NKAIN3: variants seen among roughly 807,000 people sequenced by gnomAD.
NKAIN3 encodes the protein sodium/potassium-transporting ATPase subunit beta-1-interacting protein 3.
A neutral mutation model predicts 30.2 loss-of-function variants in NKAIN3; 25 were observed. That is an observed-to-expected ratio of 0.83 (90% CI 0.60 to 1.16). The LOEUF (loss-of-function observed/expected upper bound fraction) is 1.16, where lower values mean the gene tolerates loss of function less well. NKAIN3 is among the 50% of genes most tolerant of loss of function. The pLI, the probability that NKAIN3 is intolerant of heterozygous loss-of-function variation, is 0.00. For missense variants in NKAIN3, 225 were observed against 254.1 expected (o/e 0.89, Z 0.78); for synonymous variants, 91 against 89.6 (o/e 1.02, Z -0.09).
chr8:62,724,622 A>G (rs1410533071), intron 3 of NKAIN3, among the ~76,000 whole-genome samples: 1 of 152,164 alleles, frequency 6.6e-6, no homozygotes, highest in Non-Finnish European at 1.5e-5. Context: ...ATAAGTGAGA[A>G]TATGTGAAAT....
Position 62,599,687 on chromosome 8 carries a change from C to G in NKAIN3, c.273+9893C>G, listed in dbSNP as rs914629167. Among the ~76,000 whole-genome samples the G allele has an allele frequency of 2.6e-5, 4 of 152,002 alleles. No individual in the cohort carries two copies. In the South Asian group the frequency reaches 6.2e-4, roughly 24 times the overall value. On this transcript the variant is annotated intron_variant, in intron 3 of 6. Transcript: ENST00000623646. ...CTCGTTTAAAAATATGAAAGAGTCCCTTGTGATAGGACCTCAGATCTGCAT... is the reference window on the plus strand; with the variant it reads ...CTCGTTTAAAAATATGAAAGAGTCCGTTGTGATAGGACCTCAGATCTGCAT...
At chr8:62,864,260 A>G (rs1318769259) in intron 4 of NKAIN3, 3 of 995,682 alleles carry the variant, frequency 3.0e-6, no homozygotes, top group African/African-American at 1.6e-5. Context: ...CGGCCGAGGC[A>G]GACGGCAAAG....
intron 1 of NKAIN3, among the ~76,000 whole-genome samples, chr8:62,420,278 A>G (rs1353721536): frequency 6.6e-6 from 1 of 152,176 alleles, no homozygotes; most frequent in Non-Finnish European, 1.5e-5. Context: ...CTAAATATAT[A>G]ATTTCACCAA....
intron 1 of NKAIN3, among the ~76,000 whole-genome samples, chr8:62,276,169 G>T (rs943994605): frequency 9.2e-5 from 14 of 152,040 alleles, no homozygotes; most frequent in Non-Finnish European, 1.8e-4. Context: ...GGGCTCACGC[G>T]ATTCTCTTGC....
intron 1 of NKAIN3, among the ~76,000 whole-genome samples, chr8:62,556,347 A>G (rs1044224486): frequency 1.3e-5 from 2 of 151,786 alleles, no homozygotes; most frequent in Non-Finnish European, 2.9e-5. Flanking sequence ...ACTCATATAT[A>G]TTTGAAACAA....
intron 4 of NKAIN3, among the ~76,000 whole-genome samples, chr8:62,833,710 C>T (rs1819267111): frequency 6.6e-6 from 1 of 151,074 alleles, no homozygotes; most frequent in South Asian, 2.1e-4. Context: ...AAAAAAAAAG[C>T]CCCACATGGA....
chr8:62,761,810 T>C (rs1441888309), intron 4 of NKAIN3, among the ~76,000 whole-genome samples: 1 of 152,218 alleles, frequency 6.6e-6, no homozygotes, highest in Non-Finnish European at 1.5e-5. Context: ...TTGTAACTGC[T>C]TTTATGCTGC....
chr8:62,622,303 G>A (rs1349631714), intron 3 of NKAIN3, among the ~76,000 whole-genome samples: 2 of 151,982 alleles, frequency 1.3e-5, no homozygotes, highest in African/African-American at 4.8e-5. Context: ...ATAAATGCCC[G>A]AGTGTGTAAT....
At chr8:62,327,872 G>C (rs976563145) in intron 1 of NKAIN3, among the ~76,000 whole-genome samples, 2 of 151,988 alleles carry the variant, frequency 1.3e-5, no homozygotes, top group Non-Finnish European at 2.9e-5. Flanking sequence ...TTGCGGGGGG[G>C]ATTGTTGACA....
intron 4 of NKAIN3, among the ~76,000 whole-genome samples, chr8:62,809,700 A>G (rs1274568593): frequency 6.6e-6 from 1 of 152,190 alleles, no homozygotes; most frequent in Non-Finnish European, 1.5e-5. Context: ...AAAGCCAGGG[A>G]TTTTCATAAA....
chr8:62,257,107 G>A (rs145304728), intron 1 of NKAIN3, among the ~76,000 whole-genome samples: 3 of 152,110 alleles, frequency 2.0e-5, no homozygotes, highest in African/African-American at 4.8e-5. Flanking sequence ...CAAGACATTT[G>A]AAATTTACTC....
intron 3 of NKAIN3, among the ~76,000 whole-genome samples, chr8:62,664,405 A>G (rs572807668): frequency 6.6e-5 from 10 of 152,170 alleles, no homozygotes; most frequent in Admixed American, 5.9e-4. Context: ...CAAACCGTCT[A>G]CCTCCCTGTC....
At chr8:62,853,207 AATGGCC>A (rs1819964129) in intron 4 of NKAIN3, among the ~76,000 whole-genome samples, 1 of 152,126 alleles carries the variant, frequency 6.6e-6, no homozygotes, top group Non-Finnish European at 1.5e-5. Context: ...AGCATTATGT[AATGGCC>A]TTCTTTGTCT....
rs1823756890 is a variant in NKAIN3 at position 62,968,341 on chromosome 8, T to TA, written c.*2935dup. Among the ~76,000 whole-genome samples the TA allele has an allele frequency of 6.6e-6, 1 of 152,214 alleles. No individual in the cohort carries two copies. Among genetic ancestry groups the TA allele is most frequent in the South Asian group, 2.1e-4 (1 of 4,830 alleles). On this transcript the variant is annotated 3_prime_UTR_variant, in exon 7 of 7. Coordinates refer to ENST00000623646, the MANE Select transcript of NKAIN3 (RefSeq NM_001304533.3). ...TTCCATGGAAATGAGCATTTGCAGT[T>TA]ATTGCTTTTGCCTCCAGTCTTATAG...
At chr8:62,801,427 G>A (rs144829238) in intron 4 of NKAIN3, among the ~76,000 whole-genome samples, 3,050 of 152,300 alleles carry the variant, frequency 0.02, 112 homozygotes, top group African/African-American at 0.07. Flanking sequence ...AAAACTTCCA[G>A]AGGAATGATC....
At chr8:62,934,014 T>C (rs560229583) in intron 5 of NKAIN3, among the ~76,000 whole-genome samples, 1 of 152,280 alleles carries the variant, frequency 6.6e-6, no homozygotes, top group South Asian at 2.1e-4. Context: ...ATATCTACTA[T>C]AGAGAAAGAG....
At chr8:62,783,005 T>A (rs1005288929) in intron 4 of NKAIN3, among the ~76,000 whole-genome samples, 7 of 152,004 alleles carry the variant, frequency 4.6e-5, no homozygotes, top group African/African-American at 1.7e-4. Flanking sequence ...AAATGCTGAC[T>A]TGATCATTAA....
chr8:62,357,815 G>T (rs887046559), intron 1 of NKAIN3, among the ~76,000 whole-genome samples: 4 of 152,102 alleles, frequency 2.6e-5, no homozygotes, highest in African/African-American at 9.7e-5. Flanking sequence ...CTCCAAAATT[G>T]AGGTGTAGTC....
chr8:62,572,488 T>G (rs1402996304), intron 1 of NKAIN3, among the ~76,000 whole-genome samples: 2 of 152,162 alleles, frequency 1.3e-5, no homozygotes, highest in Admixed American at 6.5e-5. Context: ...TTCCACATGT[T>G]CGGGTATATT....
Sources: allele counts gnomAD v4.1 joint callset (sites outside exome capture counted in the v4.1 genomes callset), GRCh38; gene constraint gnomAD v4.1.1; transcripts MANE v1.5; gene names NCBI Gene and HGNC (gene_info 2026-07-23, HGNC 2026-07-21).